The following CFAP61 variants were observed in gnomAD, a reference collection of about 807,000 sequenced individuals.
CFAP61 encodes cilia- and flagella-associated protein 61.
A neutral mutation model predicts 135.6 loss-of-function variants in CFAP61; 107 were observed. That is an observed-to-expected ratio of 0.79 (90% CI 0.67 to 0.93). The LOEUF is 0.93. CFAP61 is among the 40% of genes least tolerant of loss of function. CFAP61 has a pLI of 0.00. For missense variants in CFAP61, 1,507 were observed against 1,556.2 expected, an observed-to-expected ratio of 0.97 and a Z score of 0.53; for synonymous variants, 575 against 578.5, an observed-to-expected ratio of 0.99 and a Z score of 0.09.
chr20:20,099,802 C>T (rs540613852), intron 8 of CFAP61, among the ~76,000 whole-genome samples: 2 of 152,316 alleles, frequency 1.3e-5, no homozygotes, highest in South Asian at 4.1e-4. Flanking sequence ...GAAAGGAGCA[C>T]TTGGCTGGTG....
At chr20:20,168,335 T>C (rs892471967) in intron 12 of CFAP61, among the ~76,000 whole-genome samples, 1 of 152,192 alleles carries the variant, frequency 6.6e-6, no homozygotes, top group Admixed American at 6.5e-5. Flanking sequence ...AGTACTGGGA[T>C]TACAGAAGTG....
intron 3 of CFAP61, among the ~76,000 whole-genome samples, chr20:20,073,269 C>T (rs563050648): frequency 1.3e-5 from 2 of 152,340 alleles, no homozygotes; most frequent in South Asian, 2.1e-4. Flanking sequence ...TCGTCGTCAT[C>T]GTTATCTGGA....
In CFAP61 at chr20:20,359,609, A is replaced by G. The variant is rs1406499075; in HGVS notation, c.3514-601A>G. Reference sequence around the variant, plus strand: ...AACCTGGTAGGCGGAGGTTGCAGTGAGCCGAGATCATGCCATTGCACTCCA... The same window carrying G: ...AACCTGGTAGGCGGAGGTTGCAGTGGGCCGAGATCATGCCATTGCACTCCA... On this transcript the variant is annotated intron_variant, in intron 26 of 26. Coordinates refer to ENST00000245957, the MANE Select transcript of CFAP61 (RefSeq NM_015585.4). This position sits in a 1 kb window ranked among gnomAD's most constrained non-coding sequence, Gnocchi z 4.0. 1.3e-5 allele frequency among the ~76,000 whole-genome samples: 2 copies of G among 152,206 alleles called. No homozygotes were observed. Among genetic ancestry groups the G allele is most frequent in the African/African-American group, 4.8e-5 (2 of 41,464 alleles).
intron 11 of CFAP61, among the ~76,000 whole-genome samples, chr20:20,165,826 G>A (rs2146813394): frequency 6.6e-6 from 1 of 152,166 alleles, no homozygotes; most frequent in South Asian, 2.1e-4. Flanking sequence ...ATGGAGATCT[G>A]GGACATTGAA....
intron 8 of CFAP61, among the ~76,000 whole-genome samples, chr20:20,134,960 A>C (rs929042013): frequency 7.7e-6 from 1 of 130,436 alleles, no homozygotes; most frequent in Non-Finnish European, 1.7e-5. Context: ...TGGAACCTGT[A>C]AATGTCACCT....
intron 17 of CFAP61, among the ~76,000 whole-genome samples, chr20:20,214,556 T>G (rs895157767): frequency 2.0e-5 from 3 of 152,162 alleles, no homozygotes; most frequent in African/African-American, 7.2e-5. Context: ...GAGTCCTAAA[T>G]TCAGTTCTCC....
At chr20:20,218,605 G>A (rs1185276439) in intron 17 of CFAP61, among the ~76,000 whole-genome samples, 1 of 152,148 alleles carries the variant, frequency 6.6e-6, no homozygotes, top group Non-Finnish European at 1.5e-5. Context: ...GGCTTGGTTT[G>A]TTACACAACA....
chr20:20,124,950 G>C (rs755470412), intron 8 of CFAP61, among the ~76,000 whole-genome samples: 2 of 151,528 alleles, frequency 1.3e-5, no homozygotes, highest in Non-Finnish European at 2.9e-5. Context: ...AAGCTAGGAG[G>C]GTTTTATCTT....
intron 8 of CFAP61, among the ~76,000 whole-genome samples, chr20:20,120,096 T>A (rs968800465): frequency 1.3e-5 from 2 of 152,234 alleles, no homozygotes; most frequent in Non-Finnish European, 2.9e-5. Flanking sequence ...GTCTTTATGA[T>A]AGAACAATTT....
chr20:20,171,011 CTG>C (rs754106630), intron 13 of CFAP61, among the ~76,000 whole-genome samples: 8 of 152,172 alleles, frequency 5.3e-5, no homozygotes, highest in African/African-American at 9.7e-5. Context: ...GGTAAGAAAA[CTG>C]AGACACAGAG....
At chr20:20,209,480 T>C (rs1226763919) in intron 17 of CFAP61, among the ~76,000 whole-genome samples, 2 of 152,236 alleles carry the variant, frequency 1.3e-5, no homozygotes, top group East Asian at 1.9e-4. Context: ...TGTTGCTTTA[T>C]CTAAGCAACA....
At chr20:20,148,550 A>G (rs966063121) in intron 9 of CFAP61, among the ~76,000 whole-genome samples, 3 of 151,712 alleles carry the variant, frequency 2.0e-5, no homozygotes, top group African/African-American at 7.3e-5. Flanking sequence ...CTGTTGTAAA[A>G]GGGATTGAGT....
At chr20:20,319,439 G>T (rs1349916944) in intron 25 of CFAP61, among the ~76,000 whole-genome samples, 2 of 152,222 alleles carry the variant, frequency 1.3e-5, no homozygotes, top group African/African-American at 2.4e-5. Context: ...GGGGCCTGGT[G>T]GGAGGTGATT....
rs1310644374 is a variant in CFAP61, at chr20:20,106,027, T to C, written c.859+7213T>C. On this transcript the variant is annotated intron_variant, in intron 8 of 26. Transcript: ENST00000245957. ...ATATATATATATATATATATATATA[T>C]ATATATATATATATATATATATAAA... Among the ~76,000 whole-genome samples, 31 of 66,202 alleles carry C rather than the reference T, an allele frequency of 4.7e-4. 1 individual carries two copies. Among genetic ancestry groups the C allele is most frequent in the East Asian group, 3.7e-3 (10 of 2,708 alleles). 43.4% of individuals were successfully genotyped at this position (66,202 alleles called of 152,430 possible). A position where few individuals can be genotyped will look rare whatever the true frequency, so the allele number is the denominator to read the frequency against.
chr20:20,100,176 C>CT (rs74180979), intron 8 of CFAP61, among the ~76,000 whole-genome samples: 20,465 of 142,818 alleles, frequency 0.14, 1,694 homozygotes, highest in Non-Finnish European at 0.19. Context: ...ACTAAATGGC[C>CT]TTTTTTTTTT....
intron 20 of CFAP61, chr20:20,253,740 C>T: frequency 3.4e-6 from 1 of 291,858 alleles, no homozygotes; most frequent in Non-Finnish European, 6.8e-6. Context: ...TATATGCATA[C>T]CCTGACGGCC....
Position 20,099,761 on chromosome 20 carries a change from A to C in CFAP61, c.859+947A>C, listed in dbSNP as rs1275809398. ...AAATTGCTATGCTTTCTCCTGTCTGAAAGATTACACCAAGATTGTTCAGAA... is the reference window on the plus strand; with the variant it reads ...AAATTGCTATGCTTTCTCCTGTCTGCAAGATTACACCAAGATTGTTCAGAA... On this transcript the variant is annotated intron_variant, in intron 8 of 26. Coordinates refer to ENST00000245957, the MANE Select transcript of CFAP61 (RefSeq NM_015585.4). Among the ~76,000 whole-genome samples the C allele has an allele frequency of 2.0e-5, 3 of 152,190 alleles. No individual in the cohort carries two copies. The East Asian group carries it at 5.8e-4, about 29-fold the overall frequency.
At chr20:20,093,901 T>C (rs756965475) in intron 7 of CFAP61, among the ~76,000 whole-genome samples, 4 of 152,112 alleles carry the variant, frequency 2.6e-5, no homozygotes, top group Non-Finnish European at 5.9e-5. Flanking sequence ...TTGCCCAGGC[T>C]TTTCTTAAAC....
chr20:20,168,658 TTCC>T (rs1569050982), intron 12 of CFAP61, among the ~76,000 whole-genome samples: 1 of 152,212 alleles, frequency 6.6e-6, no homozygotes, highest in African/African-American at 2.4e-5. Flanking sequence ...TAAAATTTAG[TTCC>T]TCCGCCAATA....
Sources: gnomAD v4.1 joint callset for allele counts (sites outside exome capture counted in the v4.1 genomes callset) on GRCh38, gnomAD v4.1.1 for gene constraint, Gnocchi (gnomAD v3.1) non-coding constraint, MANE v1.5 for transcripts, NCBI Gene and HGNC (gene_info 2026-07-23, HGNC 2026-07-21) for gene names.